The following CNMD variants were observed in gnomAD, a reference collection of about 807,000 sequenced individuals.
The protein encoded by CNMD is leukocyte cell-derived chemotaxin 1.
A neutral mutation model predicts 37.5 loss-of-function variants in CNMD; 30 were observed. The observed-to-expected ratio is 0.80, with a 90% CI of 0.60 to 1.09. CNMD has a LOEUF of 1.09. Among genes scored for constraint, CNMD ranks in the 50% least tolerant of loss-of-function variants. CNMD has a pLI of 0.00. For missense variants in CNMD, 398 were observed against 423.9 expected, an observed-to-expected ratio of 0.94 and a Z score of 0.54; for synonymous variants, 167 against 148.2, an observed-to-expected ratio of 1.13 and a Z score of -0.92.
chr13:52,705,409 A>T (rs1964157872), intron 6 of CNMD, among the ~76,000 whole-genome samples: 1 of 152,224 alleles, frequency 6.6e-6, no homozygotes, highest in Non-Finnish European at 1.5e-5. Flanking sequence ...AAGTTATGTC[A>T]TCAAAATATT....
At chr13:52,707,255 A>G (rs1964198015) in intron 6 of CNMD, among the ~76,000 whole-genome samples, 2 of 152,320 alleles carry the variant, frequency 1.3e-5, no homozygotes, top group South Asian at 4.1e-4. Flanking sequence ...TCGCTCCCTG[A>G]AAAGTATAAT....
At chr13:52,704,540 T>A (rs1964143569) in intron 6 of CNMD, among the ~76,000 whole-genome samples, 1 of 152,138 alleles carries the variant, frequency 6.6e-6, no homozygotes, top group Non-Finnish European at 1.5e-5. Flanking sequence ...TGGAAGGAAC[T>A]CCCATCCCTC....
At chr13:52,723,952 A>T in intron 4 of CNMD, 45 bp downstream of exon 4, 1 of 1,204,522 alleles carries the variant, frequency 8.3e-7, no homozygotes, top group Non-Finnish European at 1.2e-6. Flanking sequence ...CCTTCAAACA[A>T]TGTTTGCCAA....
intron 2 of CNMD, among the ~76,000 whole-genome samples, chr13:52,733,835 A>G (rs1158878238): frequency 6.6e-6 from 1 of 152,266 alleles, no homozygotes; most frequent in Non-Finnish European, 1.5e-5. Context: ...ACACGTCTGC[A>G]GTGGCACCTC....
rs754113180 is a variant in CNMD, at chr13:52,712,799, T to C, written c.539A>G (p.Lys180Arg). 6 of 1,597,584 alleles carry C rather than the reference T, an allele frequency of 3.8e-6. No individual in the cohort carries two copies. The South Asian group carries it at 5.8e-5, about 15-fold the overall frequency. Residue 180 changes from lysine to arginine, a missense_variant, in exon 5 of 7, where the codon AAG becomes AGG. Coordinates refer to ENST00000377962, the MANE Select transcript of CNMD (RefSeq NM_007015.3). Reference sequence around the variant, plus strand: ...CTTAGAACTCAAGAAGCTGTTGTCCTTCACAGGCTGATCTACAGCCACCCA... The same window carrying C: ...CTTAGAACTCAAGAAGCTGTTGTCCCTCACAGGCTGATCTACAGCCACCCA... ...LIWVAVDQPV[K>R]DNSFLSSKVL...
At chr13:52,728,061 A>C (rs1964604133) in intron 3 of CNMD, among the ~76,000 whole-genome samples, 1 of 152,170 alleles carries the variant, frequency 6.6e-6, no homozygotes, top group Non-Finnish European at 1.5e-5. Context: ...TAAATATATA[A>C]AATATTATGT....
At chr13:52,738,552 T>C (rs1964814555) in intron 2 of CNMD, among the ~76,000 whole-genome samples, 1 of 152,176 alleles carries the variant, frequency 6.6e-6, no homozygotes, top group African/African-American at 2.4e-5. Flanking sequence ...CAAAAAAACC[T>C]TCTGAAAGGC....
chr13:52,721,967 G>A (rs2138249525), intron 4 of CNMD, among the ~76,000 whole-genome samples: 1 of 152,262 alleles, frequency 6.6e-6, no homozygotes, highest in Admixed American at 6.5e-5. Context: ...GTTCACTGAA[G>A]TCTTCATGAC....
intron 3 of CNMD, among the ~76,000 whole-genome samples, chr13:52,727,696 A>G (rs1964598842): frequency 6.6e-6 from 1 of 152,348 alleles, no homozygotes; most frequent in South Asian, 2.1e-4. Flanking sequence ...TAAGCCAGGC[A>G]CAGAAAGACA....
intron 6 of CNMD, among the ~76,000 whole-genome samples, chr13:52,706,147 T>G (rs1411982980): frequency 6.6e-6 from 1 of 152,154 alleles, no homozygotes; most frequent in African/African-American, 2.4e-5. Context: ...CCCTTACACA[T>G]AATTAAAGAC....
chr13:52,717,949 TTGGC>T (rs1964417665), intron 4 of CNMD, among the ~76,000 whole-genome samples: 1 of 152,190 alleles, frequency 6.6e-6, no homozygotes. Flanking sequence ...CTGGTAGAAT[TTGGC>T]TGTGAATCCG....
intron 2 of CNMD, among the ~76,000 whole-genome samples, chr13:52,737,902 T>G (rs1451112450): frequency 6.6e-6 from 1 of 152,242 alleles, no homozygotes. Flanking sequence ...TACAAATCGA[T>G]GCTTGTAAAT....
chr13:52,723,788 G>C (rs1342422842), intron 4 of CNMD, among the ~76,000 whole-genome samples: 1 of 152,138 alleles, frequency 6.6e-6, no homozygotes, highest in Non-Finnish European at 1.5e-5. Flanking sequence ...CAAGTTAGTT[G>C]GATGTGGTGG....
intron 2 of CNMD, 50 bp from the exon 3 acceptor site, chr13:52,733,409 G>C (rs1964708036): frequency 6.3e-7 from 1 of 1,581,808 alleles, no homozygotes; most frequent in Non-Finnish European, 8.7e-7. Context: ...GAGCAATTCA[G>C]GGCTTATCTT....
Position 52,703,497 on chromosome 13 carries a change from A to G in CNMD, c.*98T>C. The G allele has an allele frequency of 1.3e-6, 1 of 791,414 alleles. No individual in the cohort carries two copies. The highest frequency in any genetic ancestry group is 2.3e-5 in the Admixed American group (1 of 42,826). The allele number at this position is 791,414 out of a possible 1,614,324, so 49.0% of individuals were successfully genotyped here. On this transcript the variant is annotated 3_prime_UTR_variant, in exon 7 of 7. Transcript: ENST00000377962. ...ATAACCGCTCAGGTTGAGTGTAAAA[A>G]TATTTTGTGGTCCTATCAGCATCAA...
rs952535622 is a variant in CNMD at position 52,703,274 on chromosome 13, A to C, written c.*321T>G. On this transcript the variant is annotated 3_prime_UTR_variant, in exon 7 of 7. Coordinates refer to ENST00000377962, the MANE Select transcript of CNMD (RefSeq NM_007015.3). The stretch of plus-strand genomic sequence containing the variant: ...AGTGTACAATTGAGATTTTTGGCAA[A>C]CTGTAAATTTTCATGTTTATTTCAA... 1.4e-5 allele frequency: 3 copies of C among 211,054 alleles called. No individual in the cohort carries two copies. The Admixed American group carries it at 1.6e-4, about 12-fold the overall frequency. The allele number at this position is 211,054 out of a possible 1,614,324, so 13.1% of individuals were successfully genotyped here. A position where few individuals can be genotyped will look rare whatever the true frequency, so the allele number is the denominator to read the frequency against.
intron 3 of CNMD, among the ~76,000 whole-genome samples, chr13:52,730,789 G>A (rs954197659): frequency 6.6e-6 from 1 of 152,158 alleles, no homozygotes; most frequent in Non-Finnish European, 1.5e-5. Flanking sequence ...CATAAAGTAT[G>A]AATGAACTTG....
At chr13:52,721,507 A>G (rs750249292) in intron 4 of CNMD, among the ~76,000 whole-genome samples, 12 of 152,218 alleles carry the variant, frequency 7.9e-5, no homozygotes, top group Admixed American at 2.0e-4. Flanking sequence ...ACTGTTCCTC[A>G]TGGCATGGTC....
At chr13:52,738,988 A>G (rs1166745026) in intron 2 of CNMD, 43 bp downstream of exon 2, 26 of 1,518,024 alleles carry the variant, frequency 1.7e-5, no homozygotes, top group Admixed American at 2.2e-5. Flanking sequence ...TAGGGGCACC[A>G]TGGGCGACAC....
Sources: allele counts gnomAD v4.1 joint callset (sites outside exome capture counted in the v4.1 genomes callset), GRCh38; gene constraint gnomAD v4.1.1; transcripts MANE v1.5; gene names NCBI Gene and HGNC (gene_info 2026-07-23, HGNC 2026-07-21).